Variants in MTERF4 observed in about 807,000 individuals in gnomAD.
MTERF4 encodes mitochondrial transcription termination factor 4.
MTERF4 carries 17 observed loss-of-function variants against 22.5 expected under a neutral mutation model. The ratio of observed to expected loss-of-function variants is 0.75; its 90% confidence interval spans 0.52 to 1.13. The LOEUF (loss-of-function observed/expected upper bound fraction) is 1.13, where lower values mean the gene tolerates loss of function less well. MTERF4 is among the 50% of genes most tolerant of loss of function. The probability of loss-of-function intolerance (pLI) is 0.00; values close to 1 mark genes in which losing one functional copy is unlikely to be tolerated. For synonymous variants in MTERF4, 165 were observed against 175.3 expected (o/e 0.94, Z 0.47); for missense variants, 420 against 466.8 (o/e 0.90, Z 0.92).
rs1406964899 is a variant in MTERF4 at position 241,097,264 on chromosome 2, A to G, written c.684T>C (p.Gly228=). Residue 228 remains glycine (G), a synonymous_variant, in exon 3 of 4, where the codon GGT becomes GGC. Transcript: ENST00000391980. The part of the protein sequence containing the change: ...SCPSVLREDL[G]QLEYKFQYAY... ...TCACCTGAAACTTGTATTCCAGTTG[A>G]CCCAGGTCCTCTCGAAGAACAGAGG... 1 of 1,614,018 alleles carries G rather than the reference A, an allele frequency of 6.2e-7. No individual in the cohort carries two copies.
chr2:241,071,761 C>T (rs1448975164), downstream of MTERF4: 2 of 1,556,602 alleles, frequency 1.3e-6, no homozygotes. Flanking sequence ...CGAGGCGGCG[C>T]TCGGACTGTG....
the MTERF4 span, chr2:241,048,282 C>T: frequency 3.2e-6 from 5 of 1,564,358 alleles, no homozygotes; most frequent in South Asian, 1.2e-5. Flanking sequence ...ACATTCCCTG[C>T]GTGGCCGCTG....
At chr2:241,046,095 C>T in the MTERF4 span, among the ~76,000 whole-genome samples, 1 of 151,974 alleles carries the variant, frequency 6.6e-6, no homozygotes, top group Non-Finnish European at 1.5e-5. Context: ...TAGTGAAATG[C>T]AAATAAAAGC....
intron 4 of MTERF4, among the ~76,000 whole-genome samples, chr2:241,078,348 A>C (rs1475875447): frequency 6.7e-6 from 1 of 149,412 alleles, no homozygotes; most frequent in Non-Finnish European, 1.5e-5. Context: ...GCGCCACTGC[A>C]CTGCAGCCTG....
chr2:241,058,843 A>G, the MTERF4 span, among the ~76,000 whole-genome samples: 3 of 152,028 alleles, frequency 2.0e-5, no homozygotes, highest in African/African-American at 7.2e-5. Flanking sequence ...CCAGCTACTC[A>G]GGAGGCTGAG....
rs145859504 is a variant in MTERF4, at chr2:241,076,907, G to A, written n.480-1225C>T. On this transcript the variant is annotated intron_variant and non_coding_transcript_variant, in intron 4 of 4. Coordinates refer to the MTERF4 transcript ENST00000464344. ...GAGATCGAGACCATGGTGAAACCCC[G>A]TCTCTACTAAAAATACAAAAAATTA... 9.8e-3 allele frequency among the ~76,000 whole-genome samples: 1,485 copies of A among 152,218 alleles called. 21 individuals are homozygous for A. Among genetic ancestry groups the A allele is most frequent in the African/African-American group, 0.033 (1,362 of 41,532 alleles).
Position 241,099,887 on chromosome 2 carries a change from T to C in MTERF4, c.29A>G (p.Asp10Gly). The C allele has an allele frequency of 6.2e-7, 1 of 1,611,982 alleles. No individual in the cohort carries two copies. Among genetic ancestry groups the C allele is most frequent in the Non-Finnish European group, 8.5e-7 (1 of 1,179,966 alleles). The change falls in exon 2 of 4, where the codon GAT becomes GGT. Residue 10 changes from aspartate to glycine, a missense_variant. Coordinates refer to ENST00000391980, the MANE Select transcript of MTERF4 (RefSeq NM_182501.4). MAAFGRQVLDWHRLIPLTWA... is the reference protein window; with the variant it reads MAAFGRQVLGWHRLIPLTWA... ...GGTGAGGGGGATCAGGCGGTGCCAATCAAGGACCTGTAAGACACAGGACCA... is the reference window on the plus strand; with the variant it reads ...GGTGAGGGGGATCAGGCGGTGCCAACCAAGGACCTGTAAGACACAGGACCA...
the MTERF4 span, chr2:241,062,833 C>T: frequency 2.5e-6 from 4 of 1,612,156 alleles, no homozygotes; most frequent in Middle Eastern, 1.7e-4. Flanking sequence ...CATGGGGGCT[C>T]TTGTCAGGAC....
At chr2:241,086,323 C>CA (rs1050051538), downstream of MTERF4, among the ~76,000 whole-genome samples, 12 of 151,946 alleles carry the variant, frequency 7.9e-5, no homozygotes, top group African/African-American at 2.9e-4. Flanking sequence ...GGACCCTACA[C>CA]AGATTCTGGA....
downstream of MTERF4, chr2:241,068,030 A>T: frequency 7.7e-7 from 1 of 1,295,946 alleles, no homozygotes; most frequent in Non-Finnish European, 1.1e-6. This position sits in a 1 kb window ranked among gnomAD's most constrained non-coding sequence, Gnocchi z 5.3. Flanking sequence ...TCTCGGGCAC[A>T]TTCTCCGTGT....
chr2:241,102,047 G>A (rs2064734433), intron 1 of MTERF4: 2 of 489,806 alleles, frequency 4.1e-6, no homozygotes, highest in Admixed American at 1.0e-4. Context: ...GCGAGACTTT[G>A]TCTCAAAAAA....
At chr2:241,089,139 G>A (rs2063746760), downstream of MTERF4, 1 of 652,050 alleles carries the variant, frequency 1.5e-6, no homozygotes, top group South Asian at 2.2e-5. Context: ...AAGAGACTGG[G>A]ATATACCATA....
chr2:241,067,888 T>C (rs2062528816), downstream of MTERF4: 1 of 1,613,482 alleles, frequency 6.2e-7, no homozygotes, highest in Non-Finnish European at 8.5e-7. Context: ...TCCGCCACCC[T>C]GAGGCCCTCA....
downstream of MTERF4, among the ~76,000 whole-genome samples, chr2:241,070,895 AAG>A (rs2062678507): frequency 6.6e-6 from 1 of 152,154 alleles, no homozygotes; most frequent in Non-Finnish European, 1.5e-5. Flanking sequence ...CTCCCCAGGG[AAG>A]AGAGGGCTCT....
At chr2:241,067,250 G>A (rs2062493941), downstream of MTERF4, among the ~76,000 whole-genome samples, 1 of 152,232 alleles carries the variant, frequency 6.6e-6, no homozygotes, top group Non-Finnish European at 1.5e-5. Context: ...TGCATCAGCA[G>A]TGGCACTGGA....
At chr2:241,045,372 G>A in the MTERF4 span, among the ~76,000 whole-genome samples, 2 of 152,148 alleles carry the variant, frequency 1.3e-5, no homozygotes, top group African/African-American at 4.8e-5. Context: ...AATAAATTTT[G>A]AGGAATCACA....
the MTERF4 span, among the ~76,000 whole-genome samples, chr2:241,058,480 A>C: frequency 1.3e-5 from 2 of 152,316 alleles, no homozygotes; most frequent in South Asian, 2.1e-4. Flanking sequence ...TACAAAAGAA[A>C]GGACAAGCCA....
Position 241,073,138 on chromosome 2 carries a change from C to T in MTERF4, n.3024G>A. 2 of 671,928 alleles carry T rather than the reference C, an allele frequency of 3.0e-6. No individual in the cohort carries two copies. The highest frequency in any genetic ancestry group is 5.1e-6 in the Non-Finnish European group (2 of 394,172). The allele number at this position is 671,928 out of a possible 1,614,324, so 41.6% of individuals were successfully genotyped here. A position where few individuals can be genotyped will look rare whatever the true frequency, so the allele number is the denominator to read the frequency against. On this transcript the variant is annotated non_coding_transcript_exon_variant, in exon 5 of 5. Coordinates refer to the MTERF4 transcript ENST00000464344. The surrounding 1 kb of genome is among the most constrained non-coding windows in gnomAD (Gnocchi z 6.6). Reference sequence around the variant, plus strand: ...GGGGCCGACAGGTGCTGGGGCCACGCAGGGAGCCTGGTCCCCACCAGGGAC... The same window carrying T: ...GGGGCCGACAGGTGCTGGGGCCACGTAGGGAGCCTGGTCCCCACCAGGGAC...
the MTERF4 span, among the ~76,000 whole-genome samples, chr2:241,042,838 AAAAAG>A: frequency 6.6e-6 from 1 of 152,350 alleles, no homozygotes; most frequent in Admixed American, 6.5e-5. Flanking sequence ...AGACTAAAAG[AAAAAG>A]AAGAGATCTT....
Sources: gnomAD v4.1 joint callset for allele counts (sites outside exome capture counted in the v4.1 genomes callset) on GRCh38, gnomAD v4.1.1 for gene constraint, Gnocchi (gnomAD v3.1) non-coding constraint, MANE v1.5 for transcripts, NCBI Gene and HGNC (gene_info 2026-07-23, HGNC 2026-07-21) for gene names.